Variants in TBC1D5 observed in about 807,000 individuals in gnomAD.
The protein encoded by TBC1D5 is TBC1 domain family member 5.
In TBC1D5, 75 loss-of-function variants were observed where a neutral mutation model predicts 100.3. The observed-to-expected ratio is 0.75, with a 90% CI of 0.62 to 0.91. The LOEUF is 0.91. TBC1D5 is among the 40% of genes least tolerant of loss of function. TBC1D5 has a pLI of 0.00. For missense variants in TBC1D5, 910 were observed against 942.4 expected (o/e 0.97, Z 0.45); for synonymous variants, 323 against 325.6 (o/e 0.99, Z 0.09).
chr3:17,583,121 C>T (rs990293246), intron 2 of TBC1D5, among the ~76,000 whole-genome samples: 1 of 151,722 alleles, frequency 6.6e-6, no homozygotes, highest in Non-Finnish European at 1.5e-5. Context: ...CCTGTCTCTA[C>T]AAAAAATACA....
At position 17,474,447 on chromosome 3, in the gene TBC1D5, A is replaced by T. The variant is rs535452057; in HGVS notation, c.97+34027T>A. 3.3e-5 allele frequency among the ~76,000 whole-genome samples: 5 copies of T among 152,274 alleles called. No individual in the cohort carries two copies. The South Asian group carries it at 8.3e-4, about 25-fold the overall frequency. On this transcript the variant is annotated intron_variant, in intron 3 of 21. Coordinates refer to ENST00000253692, the Ensembl canonical transcript of TBC1D5. ...AAAATTGAACATTATGTGATTTATT[A>T]TAAGTTTTCTGTACTAGGTATGAAC...
At chr3:17,451,222 G>T (rs2094920189) in intron 3 of TBC1D5, among the ~76,000 whole-genome samples, 1 of 152,176 alleles carries the variant, frequency 6.6e-6, no homozygotes, top group Non-Finnish European at 1.5e-5. Flanking sequence ...CAAGAGTTCT[G>T]AAGGAAGAAC....
intron 16 of TBC1D5, among the ~76,000 whole-genome samples, chr3:17,249,367 C>T (rs2077001596): frequency 6.6e-6 from 1 of 152,220 alleles, no homozygotes; most frequent in African/African-American, 2.4e-5. Context: ...CTCTTCCTTT[C>T]ACTTGAACAC....
chr3:17,470,791 G>A (rs1291711276), intron 3 of TBC1D5, among the ~76,000 whole-genome samples: 7 of 151,952 alleles, frequency 4.6e-5, no homozygotes, highest in Admixed American at 2.0e-4. Flanking sequence ...GTGTGGTGGC[G>A]GGCACCTGTA....
intron 21 of TBC1D5, among the ~76,000 whole-genome samples, chr3:17,165,741 T>C (rs982288901): frequency 6.6e-6 from 1 of 152,246 alleles, no homozygotes; most frequent in African/African-American, 2.4e-5. Context: ...TTTTCCAAGA[T>C]GAAACTTTGT....
chr3:17,372,957 G>C (rs1488542213), intron 12 of TBC1D5, among the ~76,000 whole-genome samples: 1 of 152,096 alleles, frequency 6.6e-6, no homozygotes, highest in Non-Finnish European at 1.5e-5. Flanking sequence ...GGCTTTACGA[G>C]TCATACAGTC....
intron 1 of TBC1D5, among the ~76,000 whole-genome samples, chr3:17,717,654 A>C (rs1458803396): frequency 6.6e-6 from 1 of 152,184 alleles, no homozygotes; most frequent in Non-Finnish European, 1.5e-5. Context: ...AATAGGTTAA[A>C]TGCTGAGTTA....
intron 2 of TBC1D5, among the ~76,000 whole-genome samples, chr3:17,544,345 C>T (rs2096391130): frequency 6.6e-6 from 1 of 152,164 alleles, no homozygotes; most frequent in Non-Finnish European, 1.5e-5. Context: ...GATAAGAATG[C>T]ATGTTTACTG....
intron 3 of TBC1D5, among the ~76,000 whole-genome samples, chr3:17,464,322 C>A (rs1453249341): frequency 1.3e-5 from 2 of 152,110 alleles, no homozygotes; most frequent in African/African-American, 4.8e-5. Flanking sequence ...CACCTCAAAC[C>A]AAGATGCCAC....
chr3:17,467,201 C>T (rs2095314174), intron 3 of TBC1D5, among the ~76,000 whole-genome samples: 1 of 151,210 alleles, frequency 6.6e-6, no homozygotes, highest in African/African-American at 2.4e-5. Context: ...TCCTTCATCC[C>T]ATTTTTCAGT....
At chr3:17,678,970 T>TAG (rs2069073121) in intron 1 of TBC1D5, among the ~76,000 whole-genome samples, 1 of 151,068 alleles carries the variant, frequency 6.6e-6, no homozygotes, top group Non-Finnish European at 1.5e-5. Context: ...TAAAATAAAA[T>TAG]TATCTACAAT....
chr3:17,428,343 A>T, intron 4 of TBC1D5, 107 bp downstream of exon 4: 1 of 328,990 alleles, frequency 3.0e-6, no homozygotes, highest in East Asian at 8.5e-5. Flanking sequence ...TTACTATTCT[A>T]GATCAAAACC....
intron 13 of TBC1D5, among the ~76,000 whole-genome samples, chr3:17,363,066 T>C (rs866309540): frequency 1.3e-5 from 2 of 152,210 alleles, no homozygotes; most frequent in Admixed American, 6.5e-5. Flanking sequence ...TTTTCTGTTA[T>C]TGTTTTCAAT....
chr3:17,359,884 T>C lies in TBC1D5; in HGVS notation c.995+12191A>G, dbSNP rs988085315. ...AATGGAAAAACGGAGACCCATGAAA[T>C]AAAAAATCCAAGGATAAGAAAGGAA... On this transcript the variant is annotated intron_variant, in intron 13 of 21. Transcript: ENST00000253692. Among the ~76,000 whole-genome samples the C allele has an allele frequency of 3.3e-5, 5 of 151,850 alleles. No individual in the cohort carries two copies. In the South Asian group the frequency reaches 8.3e-4, roughly 25 times the overall value.
intron 1 of TBC1D5, among the ~76,000 whole-genome samples, chr3:17,628,484 G>T (rs892308877): frequency 2.6e-5 from 4 of 151,766 alleles, no homozygotes; most frequent in African/African-American, 9.7e-5. Flanking sequence ...TTCACCATGG[G>T]CCTAAAACAG....
chr3:17,506,186 T>A (rs560611796), intron 3 of TBC1D5, among the ~76,000 whole-genome samples: 1 of 152,126 alleles, frequency 6.6e-6, no homozygotes, highest in East Asian at 1.9e-4. Context: ...GCAAACATAA[T>A]AGAAAGGTGA....
At chr3:17,346,309 AAT>A (rs1288724546) in intron 13 of TBC1D5, among the ~76,000 whole-genome samples, 2 of 152,156 alleles carry the variant, frequency 1.3e-5, no homozygotes, top group Non-Finnish European at 2.9e-5. Context: ...CTAATAAGCA[AAT>A]ATGACATACC....
At chr3:17,309,852 T>C (rs2083804123) in intron 13 of TBC1D5, among the ~76,000 whole-genome samples, 1 of 152,080 alleles carries the variant, frequency 6.6e-6, no homozygotes, top group African/African-American at 2.4e-5. Flanking sequence ...GTTCAAAGGA[T>C]TTTTAACCGA....
At chr3:17,692,952 A>T (rs1406026254) in intron 1 of TBC1D5, among the ~76,000 whole-genome samples, 2 of 152,258 alleles carry the variant, frequency 1.3e-5, no homozygotes, top group African/African-American at 4.8e-5. Flanking sequence ...CAACATGGCA[A>T]GAACCTGCCT....
Sources: allele counts gnomAD v4.1 joint callset (sites outside exome capture counted in the v4.1 genomes callset), GRCh38; gene constraint gnomAD v4.1.1; transcripts MANE v1.5; gene names NCBI Gene and HGNC (gene_info 2026-07-23, HGNC 2026-07-21).